CTNNA3: variants seen among roughly 807,000 people sequenced by gnomAD.
CTNNA3 encodes catenin alpha-3.
CTNNA3 carries 76 observed loss-of-function variants against 95.7 expected under a neutral mutation model. The ratio of observed to expected loss-of-function variants is 0.79; its 90% confidence interval spans 0.66 to 0.96. The LOEUF (loss-of-function observed/expected upper bound fraction) is 0.96, where lower values mean the gene tolerates loss of function less well. Among genes scored for constraint, CTNNA3 ranks in the 40% least tolerant of loss-of-function variants. CTNNA3 has a pLI of 0.00. For missense variants in CTNNA3, 1,191 were observed against 1,089.8 expected, an observed-to-expected ratio of 1.09 and a Z score of -1.31; for synonymous variants, 431 against 374.4, an observed-to-expected ratio of 1.15 and a Z score of -1.74.
intron 11 of CTNNA3, among the ~76,000 whole-genome samples, chr10:66,387,971 A>T (rs1417012242): frequency 3.9e-5 from 6 of 152,050 alleles, no homozygotes; most frequent in South Asian, 2.1e-4. Context: ...GGGAGGGATA[A>T]CATTAGGAGA....
intron 5 of CTNNA3, 139 bp from the exon 6 acceptor site, chr10:67,220,009 C>T (rs1199297582): frequency 3.1e-6 from 2 of 651,738 alleles, no homozygotes; most frequent in Admixed American, 3.3e-5. Flanking sequence ...TAATCAAGGG[C>T]ATCTATTATT....
At chr10:66,284,100 C>A (rs187709346) in intron 12 of CTNNA3, among the ~76,000 whole-genome samples, 1 of 151,818 alleles carries the variant, frequency 6.6e-6, no homozygotes, top group African/African-American at 2.4e-5. Context: ...ACAAAGGCGG[C>A]CTTTTGGTCA....
At chr10:67,106,062 T>G (rs1589746120) in intron 7 of CTNNA3, among the ~76,000 whole-genome samples, 2 of 152,228 alleles carry the variant, frequency 1.3e-5, no homozygotes, top group Non-Finnish European at 1.5e-5. Flanking sequence ...CTTGTTACAC[T>G]TCATCATTTT....
At chr10:66,577,326 G>A (rs1157917671) in intron 10 of CTNNA3, among the ~76,000 whole-genome samples, 1 of 151,900 alleles carries the variant, frequency 6.6e-6, no homozygotes, top group Non-Finnish European at 1.5e-5. Flanking sequence ...AGCTCTTTAA[G>A]TTAATTAGGT....
intron 17 of CTNNA3, among the ~76,000 whole-genome samples, chr10:65,965,686 C>A (rs1015996893): frequency 2.6e-5 from 4 of 152,010 alleles, no homozygotes; most frequent in Non-Finnish European, 4.4e-5. Context: ...TGAAACACCG[C>A]AACTGGCTCC....
intron 9 of CTNNA3, among the ~76,000 whole-genome samples, chr10:66,722,953 C>T (rs10997362): frequency 0.024 from 3,704 of 152,132 alleles, 189 homozygotes; most frequent in East Asian, 0.23. Context: ...GTGTGAGGCC[C>T]GGTGATTCTG....
At chr10:66,285,348 T>A (rs2091566686) in intron 12 of CTNNA3, among the ~76,000 whole-genome samples, 1 of 151,896 alleles carries the variant, frequency 6.6e-6, no homozygotes, top group African/African-American at 2.4e-5. Context: ...GTGTCCACCT[T>A]TGAGTCTCTC....
chr10:67,557,970 C>A (rs1841319329), intron 3 of CTNNA3, among the ~76,000 whole-genome samples: 1 of 152,226 alleles, frequency 6.6e-6, no homozygotes, highest in Admixed American at 6.5e-5. Context: ...CATGGCCACT[C>A]TCATACTGCT....
rs71035189 is a variant in CTNNA3 at position 66,840,323 on chromosome 10, A to ATCTCTCTCTC, written c.1048-64809_1048-64800dup. Among the ~76,000 whole-genome samples, 186 of 90,664 alleles carry ATCTCTCTCTC rather than the reference A, an allele frequency of 2.1e-3. 1 individual carries two copies. Among genetic ancestry groups the ATCTCTCTCTC allele is most frequent in the East Asian group, 0.011 (18 of 1,650 alleles). 59.5% of individuals were successfully genotyped at this position (90,664 alleles called of 152,430 possible). Reference sequence around the variant, plus strand: ...CCTGCATTTCTTCTTCCAAGAAGCCATCTCTCTCTCTCTCTCTCTCTCTCT... The same window carrying ATCTCTCTCTC: ...CCTGCATTTCTTCTTCCAAGAAGCCATCTCTCTCTCTCTCTCTCTCTCTCTCTCTCTCTCT... On this transcript the variant is annotated intron_variant, in intron 7 of 17. Coordinates refer to ENST00000433211, the MANE Select transcript of CTNNA3 (RefSeq NM_013266.4).
chr10:66,338,719 G>T (rs2092422730), intron 12 of CTNNA3, among the ~76,000 whole-genome samples: 1 of 151,822 alleles, frequency 6.6e-6, no homozygotes, highest in African/African-American at 2.4e-5. Context: ...TGATTTCACA[G>T]TTCTAAAAGG....
At chr10:67,634,329 GCA>G (rs1351421205) in intron 2 of CTNNA3, among the ~76,000 whole-genome samples, 1 of 152,146 alleles carries the variant, frequency 6.6e-6, no homozygotes, top group Non-Finnish European at 1.5e-5. Context: ...CCTAAAGGAA[GCA>G]CTAAATATGG....
intron 10 of CTNNA3, among the ~76,000 whole-genome samples, chr10:66,550,884 T>A (rs1312852328): frequency 2.0e-5 from 3 of 152,138 alleles, no homozygotes; most frequent in Non-Finnish European, 4.4e-5. Flanking sequence ...TAAGAGTTAA[T>A]ATTGTATTAG....
At chr10:66,531,329 T>A (rs1258953768) in intron 10 of CTNNA3, among the ~76,000 whole-genome samples, 1 of 152,152 alleles carries the variant, frequency 6.6e-6, no homozygotes, top group Non-Finnish European at 1.5e-5. Context: ...TCTGTAATGA[T>A]CATTAAAATG....
At chr10:67,248,726 G>T (rs942180214) in intron 5 of CTNNA3, among the ~76,000 whole-genome samples, 8 of 152,076 alleles carry the variant, frequency 5.3e-5, no homozygotes, top group African/African-American at 1.9e-4. Context: ...CCACACCTGA[G>T]CAACAATTGG....
intron 12 of CTNNA3, among the ~76,000 whole-genome samples, chr10:66,358,772 T>G (rs1664614571): frequency 6.6e-6 from 1 of 152,200 alleles, no homozygotes; most frequent in South Asian, 2.1e-4. Flanking sequence ...ATACAAATAT[T>G]TTGACATCCT....
chr10:67,727,165 T>C (rs957777697), intron 1 of CTNNA3, among the ~76,000 whole-genome samples: 2 of 124,826 alleles, frequency 1.6e-5, no homozygotes, highest in Non-Finnish European at 3.2e-5. Flanking sequence ...TTATATATAA[T>C]ATATGATACA....
At chr10:67,559,879 G>A (rs984095322) in intron 3 of CTNNA3, among the ~76,000 whole-genome samples, 1 of 152,160 alleles carries the variant, frequency 6.6e-6, no homozygotes, top group Non-Finnish European at 1.5e-5. Flanking sequence ...CTGGAAGAAA[G>A]GGTATCAGTG....
intron 7 of CTNNA3, among the ~76,000 whole-genome samples, chr10:66,883,696 C>T (rs1383891474): frequency 6.6e-6 from 1 of 152,024 alleles, no homozygotes; most frequent in Admixed American, 6.6e-5. Flanking sequence ...AAAATGGCTG[C>T]CTGCTCTTTT....
At chr10:66,232,548 T>C (rs2089637432) in intron 13 of CTNNA3, among the ~76,000 whole-genome samples, 1 of 152,164 alleles carries the variant, frequency 6.6e-6, no homozygotes, top group African/African-American at 2.4e-5. Flanking sequence ...CCCAGGACTT[T>C]TCTGTGCAAA....
Sources: allele counts gnomAD v4.1 joint callset (sites outside exome capture counted in the v4.1 genomes callset), GRCh38; gene constraint gnomAD v4.1.1; transcripts MANE v1.5; gene names NCBI Gene and HGNC (gene_info 2026-07-23, HGNC 2026-07-21).